NBAS: variants seen among roughly 807,000 people sequenced by gnomAD.
NBAS encodes the protein NBAS subunit of NRZ tethering complex, also known as NAG/BC035112 fusion.
In NBAS, 219 loss-of-function variants were observed where a neutral mutation model predicts 302.5. The ratio of observed to expected loss-of-function variants is 0.72; its 90% CI spans 0.65 to 0.81. The LOEUF (loss-of-function observed/expected upper bound fraction) is 0.81, where lower values mean the gene tolerates loss of function less well. NBAS is among the 30% of genes least tolerant of loss of function. The probability of loss-of-function intolerance (pLI) is 0.00; values close to 1 mark genes in which losing one functional copy is unlikely to be tolerated. For synonymous variants in NBAS, 1,118 were observed against 1,021.6 expected (o/e 1.09, Z -1.80); for missense variants, 2,932 against 2,841.6 (o/e 1.03, Z -0.72).
At chr2:15,067,232 C>T in the NBAS span, among the ~76,000 whole-genome samples, 2 of 149,502 alleles carry the variant, frequency 1.3e-5, no homozygotes, top group Non-Finnish European at 3.0e-5. Context: ...TTAGTCTCAA[C>T]TACTCAGGAG....
At chr2:15,127,098 G>A in the NBAS span, among the ~76,000 whole-genome samples, 5 of 152,204 alleles carry the variant, frequency 3.3e-5, no homozygotes, top group Admixed American at 3.3e-4. Flanking sequence ...ACGGCCCCAT[G>A]CTCAGAGGAT....
the NBAS span, among the ~76,000 whole-genome samples, chr2:14,977,304 T>C: frequency 6.6e-6 from 1 of 152,024 alleles, no homozygotes; most frequent in Admixed American, 6.6e-5. Flanking sequence ...AAAAGAAACA[T>C]ACAGTGGATG....
At chr2:14,781,959 T>C in the NBAS span, among the ~76,000 whole-genome samples, 2 of 152,048 alleles carry the variant, frequency 1.3e-5, no homozygotes, top group Non-Finnish European at 2.9e-5. Context: ...ATGATTTTGC[T>C]CCAACCCTGT....
chr2:14,935,895 C>T, the NBAS span, among the ~76,000 whole-genome samples: 2 of 152,168 alleles, frequency 1.3e-5, no homozygotes, highest in Admixed American at 6.5e-5. Context: ...TACTGCTGGG[C>T]TTCTCCCTGG....
At chr2:15,453,321 A>G (rs1679104144) in intron 21 of NBAS, among the ~76,000 whole-genome samples, 1 of 152,232 alleles carries the variant, frequency 6.6e-6, no homozygotes, top group South Asian at 2.1e-4. Flanking sequence ...CCCTTCTGCC[A>G]ACAGGATTGT....
chr2:15,177,946 G>T, intron 51 of NBAS: 1 of 319,890 alleles, frequency 3.1e-6, no homozygotes, highest in Middle Eastern at 4.7e-4. Flanking sequence ...ATGAATAAAG[G>T]CATTTGATTT....
chr2:15,326,904 A>T (rs1429362957), intron 38 of NBAS, among the ~76,000 whole-genome samples: 1 of 152,078 alleles, frequency 6.6e-6, no homozygotes, highest in South Asian at 2.1e-4. Context: ...AAACATCTAA[A>T]ATAAGCTATA....
Position 15,379,678 on chromosome 2 carries a change from C to A in NBAS, c.3514G>T (p.Asp1172Tyr). The change falls in exon 30 of 52, where the codon GAC becomes TAC. Residue 1172 changes from aspartate to tyrosine, a missense_variant. By Grantham distance (160) the Asp-to-Tyr change is radical. Coordinates refer to ENST00000281513, the MANE Select transcript of NBAS (RefSeq NM_015909.4). ...HYRVSYEKSI[D>Y]LVLAASREYF... ...TCTCTGCTGGCAGCCAAAACCAAGTCAATACTCTTTTCGTAGCTGACCCTG... is the reference window on the plus strand; with the variant it reads ...TCTCTGCTGGCAGCCAAAACCAAGTAAATACTCTTTTCGTAGCTGACCCTG... 6.2e-7 allele frequency: 1 copy of A among 1,614,020 alleles called. No individual in the cohort carries two copies. Among genetic ancestry groups the A allele is most frequent in the South Asian group, 1.1e-5 (1 of 91,064 alleles).
chr2:15,315,119 A>G (rs574003090), intron 38 of NBAS, among the ~76,000 whole-genome samples: 3 of 152,236 alleles, frequency 2.0e-5, no homozygotes, highest in Admixed American at 2.0e-4. Flanking sequence ...AATCTGTACA[A>G]TCATACAACT....
At chr2:15,152,565 T>G in the NBAS span, among the ~76,000 whole-genome samples, 3 of 152,312 alleles carry the variant, frequency 2.0e-5, 1 homozygote, top group South Asian at 6.2e-4. Flanking sequence ...CATGTCCATA[T>G]GAGGTAAATG....
chr2:15,460,323 C>T (rs1679451682), intron 21 of NBAS, among the ~76,000 whole-genome samples: 1 of 152,126 alleles, frequency 6.6e-6, no homozygotes, highest in African/African-American at 2.4e-5. Context: ...GGGACTTCAA[C>T]CCATTTTAAA....
At chr2:14,790,433 G>C in the NBAS span, among the ~76,000 whole-genome samples, 9 of 152,110 alleles carry the variant, frequency 5.9e-5, no homozygotes, top group African/African-American at 2.2e-4. Context: ...CAGTGAAATA[G>C]TCTGTTTTGC....
chr2:15,105,054 T>C, the NBAS span, among the ~76,000 whole-genome samples: 2 of 152,014 alleles, frequency 1.3e-5, no homozygotes. Flanking sequence ...GTGACACATA[T>C]ACATCATGGG....
At chr2:15,401,168 T>C (rs192926630) in intron 26 of NBAS, among the ~76,000 whole-genome samples, 13 of 152,198 alleles carry the variant, frequency 8.5e-5, no homozygotes, top group African/African-American at 2.9e-4. Context: ...GGGTAATACT[T>C]TGGTATCATG....
chr2:15,079,927 G>T, the NBAS span, among the ~76,000 whole-genome samples: 2 of 152,144 alleles, frequency 1.3e-5, no homozygotes, highest in Non-Finnish European at 2.9e-5. Context: ...AACTTATTTG[G>T]CATGATTTTT....
chr2:15,129,836 G>A, the NBAS span, among the ~76,000 whole-genome samples: 5 of 152,244 alleles, frequency 3.3e-5, no homozygotes, highest in East Asian at 1.9e-4. Flanking sequence ...CTTCACGCAC[G>A]GAGACCACAC....
chr2:15,431,327 T>A (rs1288082909), intron 21 of NBAS, among the ~76,000 whole-genome samples: 1 of 152,240 alleles, frequency 6.6e-6, no homozygotes, highest in African/African-American at 2.4e-5. Context: ...TCTTCCAGGA[T>A]GTTTCTACAA....
chr2:14,786,783 A>G, the NBAS span, among the ~76,000 whole-genome samples: 1 of 152,178 alleles, frequency 6.6e-6, no homozygotes, highest in African/African-American at 2.4e-5. Flanking sequence ...TGGTGCTGAA[A>G]AAAATGTATA....
chr2:14,877,153 C>T, the NBAS span, among the ~76,000 whole-genome samples: 4 of 152,100 alleles, frequency 2.6e-5, no homozygotes, highest in Non-Finnish European at 5.9e-5. Flanking sequence ...TGACTTAATC[C>T]CTCCTTCCAC....
Sources: gnomAD v4.1 joint callset for allele counts (sites outside exome capture counted in the v4.1 genomes callset) on GRCh38, gnomAD v4.1.1 for gene constraint, MANE v1.5 for transcripts, NCBI Gene and HGNC (gene_info 2026-07-23, HGNC 2026-07-21) for gene names.